The following KCNH5 variants were observed in gnomAD, a reference collection of about 807,000 sequenced individuals.
KCNH5 encodes voltage-gated delayed rectifier potassium channel KCNH5.
Under a neutral mutation model 96.1 loss-of-function variants are expected in KCNH5, and 46 were observed. The ratio of observed to expected loss-of-function variants is 0.48; its 90% CI spans 0.38 to 0.61. KCNH5 has a LOEUF of 0.61. Ranked by LOEUF, KCNH5 falls within the 20% of genes least tolerant of loss-of-function variation. KCNH5 has a pLI of 0.00. For missense variants in KCNH5, 907 were observed against 1,225.8 expected, an observed-to-expected ratio of 0.74 and a Z score of 3.88; for synonymous variants, 439 against 449.8, an observed-to-expected ratio of 0.98 and a Z score of 0.30.
chr14:62,929,663 A>G (rs950975447), intron 7 of KCNH5, among the ~76,000 whole-genome samples: 2 of 151,898 alleles, frequency 1.3e-5, no homozygotes, highest in Non-Finnish European at 2.9e-5. Flanking sequence ...TAAAATAAAA[A>G]CTCTTATTTT....
chr14:62,760,688 G>T (rs1885728390), intron 10 of KCNH5, among the ~76,000 whole-genome samples: 1 of 152,310 alleles, frequency 6.6e-6, no homozygotes, highest in African/African-American at 2.4e-5. Context: ...TTTTCCAAGA[G>T]AAATTACTAT....
chr14:63,012,999 A>AAAAAATAAAAT (rs531846967), intron 2 of KCNH5, among the ~76,000 whole-genome samples: 3 of 151,614 alleles, frequency 2.0e-5, no homozygotes, highest in Admixed American at 6.6e-5. Context: ...ATAAAAGGAA[A>AAAAAATAAAAT]AAAATAAAAT....
intron 4 of KCNH5, among the ~76,000 whole-genome samples, chr14:62,994,388 T>C (rs984066954): frequency 6.6e-6 from 1 of 152,068 alleles, no homozygotes; most frequent in Non-Finnish European, 1.5e-5. Context: ...CTGTACAGTA[T>C]AAATGGGCAG....
Position 62,790,143 on chromosome 14 carries a change from C to A in KCNH5, c.1823-10219G>T, listed in dbSNP as rs368641141. Among the ~76,000 whole-genome samples the A allele has an allele frequency of 1.2e-4, 18 of 151,842 alleles. No homozygotes were observed. The East Asian group carries it at 3.5e-3, about 29-fold the overall frequency. ...ATGTGGAAATCCAGTTTTCTCAGCA[C>A]CATATATTGAAAAACTATTAATTTC... On this transcript the variant is annotated intron_variant, in intron 9 of 10. Coordinates refer to ENST00000322893, the MANE Select transcript of KCNH5 (RefSeq NM_139318.5).
At position 63,045,326 on chromosome 14, in the gene KCNH5, C is replaced by T. The variant is rs1034459666; in HGVS notation, c.-140G>A. ...GGGGCGCGGCGGCGGCGACGGGGTCCCCTGACTGTGTCTCCAGCCCGACCC... is the reference window on the plus strand; with the variant it reads ...GGGGCGCGGCGGCGGCGACGGGGTCTCCTGACTGTGTCTCCAGCCCGACCC... On this transcript the variant is annotated 5_prime_UTR_variant, in exon 1 of 11. Coordinates refer to ENST00000322893, the MANE Select transcript of KCNH5 (RefSeq NM_139318.5). The T allele has an allele frequency of 1.6e-5, 11 of 688,524 alleles. 1 individual carries two copies. In the South Asian group the frequency reaches 1.8e-4, roughly 12 times the overall value. The allele number at this position is 688,524 out of a possible 1,614,324, so 42.7% of individuals were successfully genotyped here. A position where few individuals can be genotyped will look rare whatever the true frequency, so the allele number is the denominator to read the frequency against.
intron 7 of KCNH5, among the ~76,000 whole-genome samples, chr14:62,856,054 A>G (rs1887921841): frequency 6.6e-6 from 1 of 152,226 alleles, no homozygotes; most frequent in Non-Finnish European, 1.5e-5. Flanking sequence ...TATAGTTTAT[A>G]AAAATTCATA....
intron 10 of KCNH5, among the ~76,000 whole-genome samples, chr14:62,742,492 T>C (rs1308312125): frequency 6.6e-6 from 1 of 152,064 alleles, no homozygotes; most frequent in Non-Finnish European, 1.5e-5. Context: ...CCAGAGAACT[T>C]AGAAAAAGAG....
intron 6 of KCNH5, among the ~76,000 whole-genome samples, chr14:62,954,278 G>A (rs981486534): frequency 1.1e-4 from 16 of 151,978 alleles, no homozygotes; most frequent in South Asian, 2.1e-4. Context: ...ACTCTCCCCC[G>A]TCCCCCACTG....
chr14:62,955,084 C>CA (rs748636060), intron 6 of KCNH5, among the ~76,000 whole-genome samples: 397 of 115,542 alleles, frequency 3.4e-3, no homozygotes, highest in Middle Eastern at 8.2e-3. Context: ...AGAGAACTGC[C>CA]AAAAAAAAAA....
intron 7 of KCNH5, among the ~76,000 whole-genome samples, chr14:62,890,614 GC>G (rs1326921383): frequency 1.3e-5 from 2 of 150,820 alleles, no homozygotes; most frequent in Admixed American, 1.3e-4. Context: ...CAGGAGAATG[GC>G]GTGAACCCGG....
At chr14:62,762,789 A>T (rs1207866102) in intron 10 of KCNH5, among the ~76,000 whole-genome samples, 1 of 152,192 alleles carries the variant, frequency 6.6e-6, no homozygotes. Context: ...AATGAAAAAG[A>T]AAAAGAAGGG....
At chr14:62,767,636 C>A (rs1417621941) in intron 10 of KCNH5, among the ~76,000 whole-genome samples, 4 of 152,056 alleles carry the variant, frequency 2.6e-5, no homozygotes, top group African/African-American at 9.7e-5. Flanking sequence ...TACACGCGGA[C>A]AATAAGAAGG....
At chr14:62,760,632 T>C (rs532771068) in intron 10 of KCNH5, among the ~76,000 whole-genome samples, 1 of 152,328 alleles carries the variant, frequency 6.6e-6, no homozygotes, top group African/African-American at 2.4e-5. Context: ...GTTGGATGAA[T>C]CAAGTACAAC....
chr14:63,025,118 A>C (rs1462415457), intron 1 of KCNH5, among the ~76,000 whole-genome samples: 1 of 152,160 alleles, frequency 6.6e-6, no homozygotes, highest in Non-Finnish European at 1.5e-5. Context: ...ACATTAGCAG[A>C]ATGAAGGACA....
chr14:63,038,960 C>G (rs962178546), intron 1 of KCNH5, among the ~76,000 whole-genome samples: 2 of 151,978 alleles, frequency 1.3e-5, no homozygotes, highest in African/African-American at 4.8e-5. Context: ...TCATAAATGT[C>G]CATTTTCTAG....
chr14:62,725,657 C>CA (rs1403239852), intron 10 of KCNH5, among the ~76,000 whole-genome samples: 2 of 152,064 alleles, frequency 1.3e-5, no homozygotes, highest in Non-Finnish European at 2.9e-5. Context: ...ACAGGGAACA[C>CA]AAAAATAACA....
At chr14:62,964,769 C>T (rs1243094686) in intron 6 of KCNH5, among the ~76,000 whole-genome samples, 1 of 152,086 alleles carries the variant, frequency 6.6e-6, no homozygotes, top group African/African-American at 2.4e-5. Flanking sequence ...AAGATAGTGC[C>T]TCTATTTCCT....
chr14:63,001,672 G>A (rs115808562), intron 3 of KCNH5, among the ~76,000 whole-genome samples: 178 of 152,196 alleles, frequency 1.2e-3, no homozygotes, highest in African/African-American at 4.1e-3. Context: ...CAGTATACAC[G>A]CCAAAATATC....
At chr14:62,730,815 A>G (rs1234923266) in intron 10 of KCNH5, among the ~76,000 whole-genome samples, 3 of 152,232 alleles carry the variant, frequency 2.0e-5, no homozygotes, top group Non-Finnish European at 4.4e-5. Flanking sequence ...AAGCTGGTAG[A>G]GTAAAACCAC....
Sources: allele counts gnomAD v4.1 joint callset (sites outside exome capture counted in the v4.1 genomes callset), GRCh38; gene constraint gnomAD v4.1.1; transcripts MANE v1.5; gene names NCBI Gene and HGNC (gene_info 2026-07-23, HGNC 2026-07-21).